Variants in COL27A1 observed in about 807,000 individuals in gnomAD.
COL27A1 encodes collagen type XXVII alpha 1 chain.
COL27A1 carries 106 observed loss-of-function variants against 251.3 expected under a neutral mutation model. The ratio of observed to expected loss-of-function variants is 0.42; its 90% CI spans 0.36 to 0.50. The LOEUF (loss-of-function observed/expected upper bound fraction) is 0.50, where lower values mean the gene tolerates loss of function less well. Among genes scored for constraint, COL27A1 ranks in the 20% least tolerant of loss-of-function variants. The probability of loss-of-function intolerance (pLI) is 0.00; values close to 1 mark genes in which losing one functional copy is unlikely to be tolerated. For synonymous variants in COL27A1, 1,000 were observed against 986.3 expected (o/e 1.01, Z -0.26); for missense variants, 2,325 against 2,522.8 (o/e 0.92, Z 1.68).
chr9:114,169,188 G>T lies in COL27A1; in HGVS notation c.1633G>T (p.Ala545Ser), dbSNP rs745968474. 5.0e-6 allele frequency: 8 copies of T among 1,614,070 alleles called. No individual in the cohort carries two copies. The highest frequency in any genetic ancestry group is 6.8e-6 in the Non-Finnish European group (8 of 1,180,004). The change falls in exon 3 of 61, where the codon GCC becomes TCC. Residue 545 changes from alanine (A) to serine (S), a missense_variant. Ala to Ser is a moderately conservative substitution (Grantham distance 99). Around this residue, in one of 4 missense-constraint regions of COL27A1, gnomAD observed 1,183 missense variants for 1,144.1 expected, o/e 1.03. Transcript: ENST00000356083. Reference protein sequence around the residue: ...KPIGSEASKKAGPKSSPRKPV... With the variant: ...KPIGSEASKKSGPKSSPRKPV... ...CATTGGATCGGAAGCCTCAAAGAAA[G>T]CCGGACCCAAGAGCAGCCCCCGGAA...
At position 114,169,776 on chromosome 9, in the gene COL27A1, C is replaced by G. The variant is rs555955393; in HGVS notation, c.1908+313C>G. 2.6e-5 allele frequency among the ~76,000 whole-genome samples: 4 copies of G among 152,322 alleles called. No individual in the cohort carries two copies. The East Asian group carries it at 7.7e-4, about 29-fold the overall frequency. ...TCTTTGCTAACCCAGCTGCAAAGCTCGAACAGCTTAAGGAAGGCCCGTAGC... is the reference window on the plus strand; with the variant it reads ...TCTTTGCTAACCCAGCTGCAAAGCTGGAACAGCTTAAGGAAGGCCCGTAGC... On this transcript the variant is annotated intron_variant, in intron 3 of 60. Coordinates refer to ENST00000356083, the MANE Select transcript of COL27A1 (RefSeq NM_032888.4).
chr9:114,237,718 A>T lies in COL27A1; in HGVS notation c.2727+3A>T. On this transcript the variant is annotated splice_donor_region_variant and intron_variant, in intron 19 of 60. Coordinates refer to ENST00000356083, the MANE Select transcript of COL27A1 (RefSeq NM_032888.4). ...TTCCCGGGCCCCCTGGACCCGAGGT[A>T]TGTGATGCCCCATTTCTCCGTGTCT... The T allele has an allele frequency of 6.2e-7, 1 of 1,612,812 alleles. No individual in the cohort carries two copies. The highest frequency in any genetic ancestry group is 8.5e-7 in the Non-Finnish European group (1 of 1,178,818).
intron 39 of COL27A1, 70 bp downstream of exon 39, chr9:114,282,634 C>A: frequency 9.9e-7 from 1 of 1,010,470 alleles, no homozygotes; most frequent in Non-Finnish European, 1.4e-6. Context: ...GGAAAGGAGA[C>A]ACCAGGCTTC....
intron 4 of COL27A1, among the ~76,000 whole-genome samples, chr9:114,180,246 C>T (rs1277734818): frequency 6.6e-6 from 1 of 152,172 alleles, no homozygotes; most frequent in African/African-American, 2.4e-5. Context: ...TGATGCCTGG[C>T]AGAGCACCCT....
rs116867315 is a variant in COL27A1 at position 114,305,707 on chromosome 9, G to A, written c.4939-813G>A. Among the ~76,000 whole-genome samples, 608 of 152,268 alleles carry A rather than the reference G, an allele frequency of 4.0e-3. 10 individuals carry two copies. Among genetic ancestry groups the A allele is most frequent in the East Asian group, 0.037 (192 of 5,170 alleles). On this transcript the variant is annotated intron_variant, in intron 57 of 60. Coordinates refer to ENST00000356083, the MANE Select transcript of COL27A1 (RefSeq NM_032888.4). ...GAGAGTGTAGAGAATTGTGCAGGAG[G>A]GTCTCTGGGCCAGGCCTCTATGGGG...
chr9:114,209,215 T>C (rs1295764036), intron 10 of COL27A1, among the ~76,000 whole-genome samples: 1 of 152,178 alleles, frequency 6.6e-6, no homozygotes, highest in African/African-American at 2.4e-5. Context: ...TGTTAGTTAA[T>C]GCCAGCACTC....
intron 50 of COL27A1, 183 bp from the exon 51 acceptor site, chr9:114,300,442 C>CCAA: frequency 1.7e-6 from 1 of 579,568 alleles, no homozygotes; most frequent in Non-Finnish European, 3.0e-6. Flanking sequence ...CAGCACTGAG[C>CCAA]CAACACACTG....
chr9:114,278,334 GTGGTGC>G (rs1234404829), intron 37 of COL27A1, among the ~76,000 whole-genome samples: 3 of 43,854 alleles, frequency 6.8e-5, no homozygotes, highest in Non-Finnish European at 1.4e-4. Context: ...GGTGGTGATG[GTGGTGC>G]TGGTGCTGGT....
rs1438087796 is a variant in COL27A1, at chr9:114,292,320, G to A, written c.4584+110G>A. ...ACTCATACACACACACAAACACACT[G>A]ACCCAGAAGCCACCTCCTTGCTCTG... On this transcript the variant is annotated intron_variant, in intron 49 of 60. Transcript: ENST00000356083. 3.5e-6 allele frequency: 3 copies of A among 864,644 alleles called. No individual in the cohort carries two copies. In the Admixed American group the frequency reaches 7.9e-5, roughly 23 times the overall value. The allele number at this position is 864,644 out of a possible 1,614,324, so 53.6% of individuals were successfully genotyped here. A position where few individuals can be genotyped will look rare whatever the true frequency, so the allele number is the denominator to read the frequency against.
intron 14 of COL27A1, 62 bp downstream of exon 14, chr9:114,222,329 G>T: frequency 6.7e-7 from 1 of 1,489,400 alleles, no homozygotes; most frequent in Non-Finnish European, 9.3e-7. Flanking sequence ...TGGAGCCAGC[G>T]TGTGGGGAGC....
chr9:114,230,396 A>AT (rs1345106962), intron 14 of COL27A1, among the ~76,000 whole-genome samples: 2 of 152,138 alleles, frequency 1.3e-5, no homozygotes, highest in East Asian at 3.9e-4. Flanking sequence ...GACAGCACTC[A>AT]GCCAGGCTGA....
At position 114,226,542 on chromosome 9, in the gene COL27A1, A is replaced by T. The variant is rs866189373; in HGVS notation, c.2466+4275A>T. On this transcript the variant is annotated intron_variant, in intron 14 of 60. Coordinates refer to ENST00000356083, the MANE Select transcript of COL27A1 (RefSeq NM_032888.4). The stretch of plus-strand genomic sequence containing the variant: ...CCAGCTCCTCAAGACTTCTGTGCTG[A>T]ACAGAGATAGCGTGTATGTGACAGC... Among the ~76,000 whole-genome samples, 7 of 152,186 alleles carry T rather than the reference A, an allele frequency of 4.6e-5. No homozygotes were observed. In the South Asian group the frequency reaches 6.2e-4, roughly 13 times the overall value.
At chr9:114,245,799 G>T in intron 23 of COL27A1, 67 bp from the exon 24 acceptor site, 2 of 1,488,092 alleles carry the variant, frequency 1.3e-6, no homozygotes, top group South Asian at 1.1e-5. Flanking sequence ...GCAGGCCTGG[G>T]ACTTCCCCAG....
At chr9:114,266,775 C>T (rs890293451) in intron 33 of COL27A1, among the ~76,000 whole-genome samples, 157 bp downstream of exon 33, 1 of 152,132 alleles carries the variant, frequency 6.6e-6, no homozygotes, top group Non-Finnish European at 1.5e-5. Flanking sequence ...GACGCCCTGG[C>T]AGAGAGGGTA....
chr9:114,307,437 T>C (rs1829134327), intron 58 of COL27A1: 1 of 522,526 alleles, frequency 1.9e-6, no homozygotes, highest in South Asian at 2.3e-5. Flanking sequence ...AGTAGCAACA[T>C]AGGCAAGTAC....
intron 6 of COL27A1, among the ~76,000 whole-genome samples, chr9:114,195,603 G>A (rs1292524205): frequency 6.6e-6 from 1 of 152,234 alleles, no homozygotes; most frequent in African/African-American, 2.4e-5. Context: ...AGGTGTCTTA[G>A]GACTGCAGGG....
intron 28 of COL27A1, among the ~76,000 whole-genome samples, chr9:114,260,686 C>T (rs1209195131): frequency 6.6e-6 from 1 of 152,100 alleles, no homozygotes; most frequent in African/African-American, 2.4e-5. Flanking sequence ...AGGCTCTCAT[C>T]CTCTGTTCTT....
chr9:114,192,060 T>C (rs1828786874), intron 5 of COL27A1, among the ~76,000 whole-genome samples: 1 of 152,346 alleles, frequency 6.6e-6, no homozygotes, highest in East Asian at 1.9e-4. Flanking sequence ...GGTATCATAC[T>C]CGGGCAGGCA....
chr9:114,271,078 C>G, intron 36 of COL27A1: 4 of 421,734 alleles, frequency 9.5e-6, no homozygotes, highest in Non-Finnish European at 1.7e-5. Context: ...AGCACCGGCA[C>G]TACGCCAGGC....
Sources: allele counts gnomAD v4.1 joint callset (sites outside exome capture counted in the v4.1 genomes callset), GRCh38; gene constraint gnomAD v4.1.1; regional missense constraint gnomAD v4.1.1; transcripts MANE v1.5; gene names NCBI Gene and HGNC (gene_info 2026-07-23, HGNC 2026-07-21).